The following NRXN1 variants were observed in gnomAD, a reference collection of about 807,000 sequenced individuals.
The protein encoded by NRXN1 is neurexin 1, also known as neurexin-1.
NRXN1 carries 39 observed loss-of-function variants against 150.9 expected under a neutral mutation model. The observed-to-expected ratio is 0.26, with a 90% CI of 0.20 to 0.34. The LOEUF is 0.34. NRXN1 is among the 10% of genes least tolerant of loss of function. NRXN1 has a pLI of 1.00. For synonymous variants in NRXN1, 924 were observed against 757.0 expected (o/e 1.22, Z -3.62); for missense variants, 1,815 against 1,949.9 (o/e 0.93, Z 1.30).
At chr2:50,333,982 T>G (rs1330838863) in intron 17 of NRXN1, among the ~76,000 whole-genome samples, 2 of 151,852 alleles carry the variant, frequency 1.3e-5, no homozygotes, top group African/African-American at 4.8e-5. Context: ...CTTTTAACAG[T>G]GAGGATATTA....
intron 12 of NRXN1, among the ~76,000 whole-genome samples, chr2:50,518,719 T>C (rs1464231623): frequency 6.6e-6 from 1 of 151,896 alleles, no homozygotes; most frequent in Non-Finnish European, 1.5e-5. Flanking sequence ...ATTTTTTTAA[T>C]GAGGTCAAGA....
At chr2:50,019,431 T>G (rs1687145811) in intron 21 of NRXN1, among the ~76,000 whole-genome samples, 1 of 149,752 alleles carries the variant, frequency 6.7e-6, no homozygotes, top group African/African-American at 2.5e-5. Context: ...GATCACAAGG[T>G]CAGGAGTTCA....
chr2:50,329,022 A>T (rs770787337), intron 17 of NRXN1, among the ~76,000 whole-genome samples: 1 of 152,184 alleles, frequency 6.6e-6, no homozygotes, highest in Non-Finnish European at 1.5e-5. Context: ...AGAAGATAAG[A>T]AGGCTAGAAA....
At chr2:50,525,815 G>T (rs1398767986) in intron 12 of NRXN1, among the ~76,000 whole-genome samples, 4 of 152,262 alleles carry the variant, frequency 2.6e-5, no homozygotes, top group Middle Eastern at 3.4e-3. Context: ...CTTCCCGGGG[G>T]GGAAATGGTA....
intron 17 of NRXN1, among the ~76,000 whole-genome samples, chr2:50,361,718 A>T (rs1046943176): frequency 3.9e-5 from 6 of 152,308 alleles, no homozygotes; most frequent in Middle Eastern, 3.4e-3. Context: ...CTAACAATAG[A>T]AAAAGAGGCA....
chr2:49,964,384 A>G (rs1463763195), intron 21 of NRXN1, among the ~76,000 whole-genome samples: 1 of 152,034 alleles, frequency 6.6e-6, no homozygotes, highest in Non-Finnish European at 1.5e-5. Flanking sequence ...GTTCGAGACC[A>G]GACTGGCAAC....
chr2:49,974,281 C>A, intron 21 of NRXN1: 1 of 567,648 alleles, frequency 1.8e-6, no homozygotes, highest in South Asian at 1.8e-5. Flanking sequence ...GTTCCGTCTG[C>A]AGTTGACGAG....
chr2:49,935,657 T>C (rs1282489128), intron 22 of NRXN1, among the ~76,000 whole-genome samples: 1 of 152,194 alleles, frequency 6.6e-6, no homozygotes, highest in African/African-American at 2.4e-5. Flanking sequence ...TGGCTCCTCA[T>C]GGAGGCAGCA....
chr2:50,183,847 C>T (rs2060897240), intron 18 of NRXN1, among the ~76,000 whole-genome samples: 1 of 151,854 alleles, frequency 6.6e-6, no homozygotes, highest in Non-Finnish European at 1.5e-5. Context: ...TTTGCATTTA[C>T]AGACTTTCTA....
At chr2:49,941,726 C>T (rs1214528788) in intron 22 of NRXN1, among the ~76,000 whole-genome samples, 2 of 151,814 alleles carry the variant, frequency 1.3e-5, no homozygotes, top group African/African-American at 4.8e-5. Context: ...AATGGATTAC[C>T]CTGAAGAAAA....
intron 15 of NRXN1, among the ~76,000 whole-genome samples, chr2:50,491,833 A>G (rs1364268197): frequency 6.6e-6 from 1 of 152,182 alleles, no homozygotes; most frequent in Non-Finnish European, 1.5e-5. Context: ...AACTTAGCTA[A>G]TGCTTTAAAG....
At chr2:51,023,050 C>T (rs1316404107) in intron 2 of NRXN1, among the ~76,000 whole-genome samples, 1 of 152,160 alleles carries the variant, frequency 6.6e-6, no homozygotes, top group Non-Finnish European at 1.5e-5. Flanking sequence ...CAACACCTAA[C>T]CAAACCCATG....
intron 21 of NRXN1, 56 bp from the exon 22 acceptor site, chr2:49,943,847 A>C: frequency 8.0e-7 from 1 of 1,252,038 alleles, no homozygotes; most frequent in Non-Finnish European, 1.2e-6. Context: ...AGATTCTCTC[A>C]TCTTTGTCTC....
At chr2:50,605,214 T>C (rs528677585) in intron 8 of NRXN1, among the ~76,000 whole-genome samples, 2 of 152,370 alleles carry the variant, frequency 1.3e-5, no homozygotes, top group East Asian at 3.9e-4. Flanking sequence ...GTGCCAATTA[T>C]GTTGTGGTCA....
intron 19 of NRXN1, among the ~76,000 whole-genome samples, chr2:50,083,190 A>G (rs1470063389): frequency 6.6e-6 from 1 of 152,212 alleles, no homozygotes; most frequent in African/African-American, 2.4e-5. Context: ...ACTACATAGC[A>G]ATAATGGAAC....
intron 18 of NRXN1, among the ~76,000 whole-genome samples, chr2:50,145,893 G>C (rs1050084956): frequency 6.6e-6 from 1 of 151,524 alleles, no homozygotes; most frequent in Non-Finnish European, 1.5e-5. Flanking sequence ...AAGTGCTATG[G>C]ATAGGTGATA....
intron 2 of NRXN1, among the ~76,000 whole-genome samples, chr2:50,971,907 GTT>G (rs1233307680): frequency 3.3e-5 from 5 of 152,030 alleles, no homozygotes; most frequent in African/African-American, 4.8e-5. Context: ...TACTCTACCA[GTT>G]TGATATAATG....
intron 15 of NRXN1, among the ~76,000 whole-genome samples, chr2:50,473,293 T>C (rs935401265): frequency 6.6e-6 from 1 of 151,982 alleles, no homozygotes; most frequent in African/African-American, 2.4e-5. Context: ...ATGGAAGACA[T>C]TGCTTAGCTT....
At chr2:50,607,162 G>C (rs778733955) in intron 8 of NRXN1, among the ~76,000 whole-genome samples, 1 of 152,148 alleles carries the variant, frequency 6.6e-6, no homozygotes, top group African/African-American at 2.4e-5. Context: ...AAATGTGAGA[G>C]TCTGGGACAC....
Sources: allele counts gnomAD v4.1 joint callset (sites outside exome capture counted in the v4.1 genomes callset), GRCh38; gene constraint gnomAD v4.1.1; transcripts MANE v1.5; gene names NCBI Gene and HGNC (gene_info 2026-07-23, HGNC 2026-07-21).